The following HNRNPA1 variants were observed in gnomAD, a reference collection of about 807,000 sequenced individuals.
The protein encoded by HNRNPA1 is heterogeneous nuclear ribonucleoprotein A1.
A neutral mutation model predicts 44.4 loss-of-function variants in HNRNPA1; 7 were observed. The ratio of observed to expected loss-of-function variants is 0.16; its 90% CI spans 0.09 to 0.30. The LOEUF is 0.30. Ranked by LOEUF, HNRNPA1 falls within the 10% of genes least tolerant of loss-of-function variation. The pLI is 1.00. For synonymous variants in HNRNPA1, 169 were observed against 160.6 expected, an observed-to-expected ratio of 1.05 and a Z score of -0.40; for missense variants, 193 against 465.8, an observed-to-expected ratio of 0.41 and a Z score of 5.39.
In HNRNPA1 at chr12:54,281,961, T is replaced by A. The variant is rs1398933591; in HGVS notation, c.279+20T>A. 6.2e-7 allele frequency: 1 copy of A among 1,611,660 alleles called. No individual in the cohort carries two copies. The highest frequency in any genetic ancestry group is 8.5e-7 in the Non-Finnish European group (1 of 1,179,716). ...AGAGAAGTGAGTGGGTTTTTTTTCT[T>A]CTTCTTCTTAAACTTACTTGGATAT... On this transcript the variant is annotated intron_variant, in intron 3 of 10. Transcript: ENST00000340913.
rs1323931602 is a variant in HNRNPA1, at chr12:54,285,915, G to T, written c.*1371G>T. 6.6e-6 allele frequency: 1 copy of T among 151,972 alleles called. No homozygotes were observed. Among genetic ancestry groups the T allele is most frequent in the African/African-American group, 2.4e-5 (1 of 41,364 alleles). 9.4% of individuals were successfully genotyped at this position (151,972 alleles called of 1,614,324 possible). A position where few individuals can be genotyped will look rare whatever the true frequency, so the allele number is the denominator to read the frequency against. ...GGTGGTGGTGGGTGGGAAAGCATGG[G>T]TGATAGTTCCATGATACTGGCTGAG... On this transcript the variant is annotated 3_prime_UTR_variant, in exon 11 of 11. Coordinates refer to ENST00000340913, the MANE Select transcript of HNRNPA1 (RefSeq NM_031157.4).
chr12:54,282,164 A>G lies in HNRNPA1; in HGVS notation c.354A>G (p.Glu118=), dbSNP rs761759393. The G allele has an allele frequency of 5.6e-6, 9 of 1,600,192 alleles. No homozygotes were observed. In the East Asian group the frequency reaches 1.3e-4, roughly 24 times the overall value. ...FVGGIKEDTE[E]HHLRDYFEQY... Reference sequence around the variant, plus strand: ...GTGGCATTAAAGAAGACACTGAAGAACATCACCTAAGAGATTATTTTGAAC... The same window carrying G: ...GTGGCATTAAAGAAGACACTGAAGAGCATCACCTAAGAGATTATTTTGAAC... The change falls in exon 4 of 11, where the codon GAA becomes GAG. Residue 118 remains glutamate, a synonymous_variant. Transcript: ENST00000340913.
At chr12:54,284,005 GTGTC>G (rs749905409) in intron 9 of HNRNPA1, 38 bp downstream of exon 9, 8 of 1,599,906 alleles carry the variant, frequency 5.0e-6, no homozygotes, top group East Asian at 2.2e-5. Context: ...TGTCAAAAGA[GTGTC>G]TGTAGCTACT....
rs748291548 is a variant in HNRNPA1, at chr12:54,280,800, C to G, written c.-8C>G. 1.1e-5 allele frequency: 17 copies of G among 1,614,216 alleles called. No homozygotes were observed. In the Admixed American group the frequency reaches 2.7e-4, roughly 25 times the overall value. Reference sequence around the variant, plus strand: ...AGCATCGTTAAAGTCTCTCTTCACCCTGCCGTCATGTCTAAGTCAGAGGTG... The same window carrying G: ...AGCATCGTTAAAGTCTCTCTTCACCGTGCCGTCATGTCTAAGTCAGAGGTG... On this transcript the variant is annotated 5_prime_UTR_variant, in exon 1 of 11. Transcript: ENST00000340913.
chr12:54,285,168 C>T lies in HNRNPA1; in HGVS notation c.*624C>T, dbSNP rs1944244350. Reference sequence around the variant, plus strand: ...AATATATCTAAATTGAATAATGGTACCAGATAAAATTATAGATGGGAATGA... The same window carrying T: ...AATATATCTAAATTGAATAATGGTATCAGATAAAATTATAGATGGGAATGA... On this transcript the variant is annotated 3_prime_UTR_variant, in exon 11 of 11. Transcript: ENST00000340913. 6.5e-6 allele frequency: 1 copy of T among 153,460 alleles called. No homozygotes were observed. Among genetic ancestry groups the T allele is most frequent in the Non-Finnish European group, 1.5e-5 (1 of 68,652 alleles). 9.5% of individuals were successfully genotyped at this position (153,460 alleles called of 1,614,324 possible).
intron 10 of HNRNPA1, 98 bp from the exon 11 acceptor site, chr12:54,284,451 A>G: frequency 1.1e-6 from 1 of 888,042 alleles, no homozygotes; most frequent in Non-Finnish European, 1.8e-6. Flanking sequence ...GTTAATATTC[A>G]GATCAGCAAA....
intron 8 of HNRNPA1, 30 bp from the exon 9 acceptor site, chr12:54,283,782 A>G (rs1466096745): frequency 3.7e-6 from 6 of 1,606,880 alleles, no homozygotes; most frequent in East Asian, 2.2e-5. Flanking sequence ...TCCTCAGGTA[A>G]CAGATAAAGG....
chr12:54,281,387 C>T lies in HNRNPA1; in HGVS notation c.17C>T (p.Ser6Phe). The change falls in exon 2 of 11, where the codon TCT becomes TTT. Residue 6 changes from serine (S) to phenylalanine (F), a missense_variant and splice_region_variant. Coordinates refer to ENST00000340913, the MANE Select transcript of HNRNPA1 (RefSeq NM_031157.4). ...CACTTCCCCCTCCCCCCACTCTAGT[C>T]TCCTAAAGAGCCCGAACAGCTGAGG... MSKSESPKEPEQLRKL... is the reference protein window; with the variant it reads MSKSEFPKEPEQLRKL... The T allele has an allele frequency of 1.3e-6, 2 of 1,560,508 alleles. No homozygotes were observed. Among genetic ancestry groups the T allele is most frequent in the Non-Finnish European group, 8.8e-7 (1 of 1,137,626 alleles).
intron 1 of HNRNPA1, 104 bp downstream of exon 1, chr12:54,280,926 C>G: frequency 7.8e-7 from 1 of 1,290,010 alleles, no homozygotes; most frequent in East Asian, 2.3e-5. Flanking sequence ...TCTACAGTTC[C>G]TTCGGTCGCT....
In HNRNPA1 at chr12:54,284,715, G is replaced by C; in HGVS notation, c.*171G>C. On this transcript the variant is annotated 3_prime_UTR_variant, in exon 11 of 11. Coordinates refer to ENST00000340913, the MANE Select transcript of HNRNPA1 (RefSeq NM_031157.4). The stretch of plus-strand genomic sequence containing the variant: ...TGTATGGGCAAAAAACTCGAGGACT[G>C]TATTTGTGACTAATTGTATAACAGG... 1 of 455,936 alleles carries C rather than the reference G, an allele frequency of 2.2e-6. No homozygotes were observed. The highest frequency in any genetic ancestry group is 2.6e-5 in the Admixed American group (1 of 38,594). The allele number at this position is 455,936 out of a possible 1,614,324, so 28.2% of individuals were successfully genotyped here. A position where few individuals can be genotyped will look rare whatever the true frequency, so the allele number is the denominator to read the frequency against.
chr12:54,285,290 CT>C lies in HNRNPA1; in HGVS notation c.*749del, dbSNP rs1944246640. The C allele has an allele frequency of 6.6e-6, 1 of 152,446 alleles. No homozygotes were observed. Among genetic ancestry groups the C allele is most frequent in the African/African-American group, 2.4e-5 (1 of 41,586 alleles). 9.4% of individuals were successfully genotyped at this position (152,446 alleles called of 1,614,324 possible). On this transcript the variant is annotated 3_prime_UTR_variant, in exon 11 of 11. Transcript: ENST00000340913. ...GATTTGGGACTGGCAGAGATTTGGA[CT>C]TTCCCTACCCACTCCCCCTGATAAT...
chr12:54,283,041 A>G (rs1944202724), intron 7 of HNRNPA1, 38 bp from the exon 8 acceptor site: 3 of 1,605,132 alleles, frequency 1.9e-6, no homozygotes, highest in Non-Finnish European at 2.6e-6. Flanking sequence ...TCATTGTCAA[A>G]TACTTTTGTC....
intron 9 of HNRNPA1, 51 bp downstream of exon 9, chr12:54,284,018 C>T (rs1376907159): frequency 6.3e-7 from 1 of 1,589,314 alleles, no homozygotes; most frequent in African/African-American, 1.3e-5. Context: ...TCTGTAGCTA[C>T]TGCTGGGAAG....
chr12:54,284,497 C>T (rs1180845280), intron 10 of HNRNPA1, 52 bp from the exon 11 acceptor site: 16 of 727,308 alleles, frequency 2.2e-5, no homozygotes, highest in Middle Eastern at 2.3e-4. Context: ...GGATTGTAGC[C>T]TTGAGTCTTA....
In HNRNPA1 at chr12:54,281,475, G is replaced by A; in HGVS notation, c.105G>A (p.Glu35=). Residue 35 remains glutamate, a synonymous_variant, in exon 2 of 11, where the codon GAG becomes GAA. Coordinates refer to ENST00000340913, the MANE Select transcript of HNRNPA1 (RefSeq NM_031157.4). ...TTDESLRSHF[E]QWGTLTDCVV... is the part of the protein sequence containing the mutation. ...ATGAGAGCCTGAGGAGCCATTTTGA[G>A]CAATGGGGAACGCTCACGGACTGTG... The A allele has an allele frequency of 6.2e-7, 1 of 1,610,470 alleles. No individual in the cohort carries two copies. Among genetic ancestry groups the A allele is most frequent in the East Asian group, 2.2e-5 (1 of 44,868 alleles).
In HNRNPA1 at chr12:54,280,735, C is replaced by G. The variant is rs551246954; in HGVS notation, c.-73C>G. 6 of 1,565,194 alleles carry G rather than the reference C, an allele frequency of 3.8e-6. No homozygotes were observed. Among genetic ancestry groups the G allele is most frequent in the South Asian group, 2.2e-5 (2 of 90,074 alleles). On this transcript the variant is annotated 5_prime_UTR_variant, in exon 1 of 11. Transcript: ENST00000340913. ...GCGAAGGTAGGCTGGCAGATACGTT[C>G]GTCAGCTTGCTCCTTTCTGCCCGTG...
In HNRNPA1 at chr12:54,282,721, A is replaced by G. The variant is rs1592172235; in HGVS notation, c.676+56A>G. On this transcript the variant is annotated intron_variant, in intron 6 of 10. Coordinates refer to ENST00000340913, the MANE Select transcript of HNRNPA1 (RefSeq NM_031157.4). The stretch of plus-strand genomic sequence containing the variant: ...ACTTCTCACCATCTTTGCTATGAAG[A>G]TTTTACAGTACGGGAACTGCATTCA... The G allele has an allele frequency of 5.0e-6, 8 of 1,594,922 alleles. No homozygotes were observed. The East Asian group carries it at 1.1e-4, about 22-fold the overall frequency.
rs1944255955 is a variant in HNRNPA1 at position 54,285,828 on chromosome 12, A to G, written c.*1284A>G. ...GATTTGTCTATCAATAGGACTGTAT[A>G]TTCCATCCCATGGGTGTGTTGGAAG... On this transcript the variant is annotated 3_prime_UTR_variant, in exon 11 of 11. Transcript: ENST00000340913. 7.8e-6 allele frequency: 1 copy of G among 128,840 alleles called. No homozygotes were observed. Among genetic ancestry groups the G allele is most frequent in the Non-Finnish European group, 1.6e-5 (1 of 64,198 alleles). The allele number at this position is 128,840 out of a possible 1,614,324, so 8.0% of individuals were successfully genotyped here. A position where few individuals can be genotyped will look rare whatever the true frequency, so the allele number is the denominator to read the frequency against.
intron 2 of HNRNPA1, 62 bp from the exon 3 acceptor site, chr12:54,281,733 G>T (rs1592171005): frequency 1.3e-6 from 2 of 1,541,176 alleles, no homozygotes; most frequent in East Asian, 2.3e-5. Context: ...CCTATTCAAA[G>T]TTAAAATGAC....
Sources: allele counts gnomAD v4.1 joint callset, GRCh38; gene constraint gnomAD v4.1.1; transcripts MANE v1.5; gene names NCBI Gene and HGNC (gene_info 2026-07-23, HGNC 2026-07-21).